Variants in COPZ1 observed in about 807,000 individuals in gnomAD.
COPZ1 encodes coat protein complex I subunit zeta 1.
In COPZ1, 4 loss-of-function variants were observed where a neutral mutation model predicts 31.7. The ratio of observed to expected loss-of-function variants is 0.13; its 90% CI spans 0.06 to 0.29. The LOEUF is 0.29. Among genes scored for constraint, COPZ1 ranks in the 10% least tolerant of loss-of-function variants. The pLI is 1.00. For missense variants in COPZ1, 156 were observed against 211.5 expected, an observed-to-expected ratio of 0.74 and a Z score of 1.63; for synonymous variants, 74 against 79.0, an observed-to-expected ratio of 0.94 and a Z score of 0.33.
At chr12:54,327,441 G>A (rs1953675861) in intron 1 of COPZ1, among the ~76,000 whole-genome samples, 1 of 151,982 alleles carries the variant, frequency 6.6e-6, no homozygotes, top group Non-Finnish European at 1.5e-5. Context: ...GGGACTACAG[G>A]CACGTGCTGC....
chr12:54,350,280 T>A (rs918890904), intron 8 of COPZ1, 196 bp from the exon 9 acceptor site: 2 of 739,062 alleles, frequency 2.7e-6, no homozygotes, highest in African/African-American at 3.4e-5. Flanking sequence ...CTCAGTGGGT[T>A]TGAATTTTTT....
intron 2 of COPZ1, among the ~76,000 whole-genome samples, chr12:54,341,980 GA>G (rs1326476272): frequency 6.6e-6 from 1 of 152,192 alleles, no homozygotes; most frequent in East Asian, 1.9e-4. Flanking sequence ...GACAGTCTTG[GA>G]AATGTGAGGT....
chr12:54,330,462 A>C (rs1388328544), intron 1 of COPZ1, among the ~76,000 whole-genome samples: 1 of 152,030 alleles, frequency 6.6e-6, no homozygotes, highest in African/African-American at 2.4e-5. Context: ...CGACGTATTT[A>C]TATATATTTT....
intron 1 of COPZ1, among the ~76,000 whole-genome samples, chr12:54,331,213 T>G (rs1953746664): frequency 7.1e-6 from 1 of 141,566 alleles, no homozygotes; most frequent in African/African-American, 2.6e-5. Flanking sequence ...AGAGTCTTGC[T>G]CTTGTTGCCC....
At chr12:54,332,796 C>A (rs1953780851) in intron 1 of COPZ1, among the ~76,000 whole-genome samples, 1 of 151,408 alleles carries the variant, frequency 6.6e-6, no homozygotes, top group South Asian at 2.1e-4. Context: ...ACCTTTATTC[C>A]CCCTGCTGGC....
chr12:54,332,452 G>C (rs1297545031), intron 1 of COPZ1, among the ~76,000 whole-genome samples: 4 of 151,850 alleles, frequency 2.6e-5, no homozygotes, highest in African/African-American at 9.7e-5. Context: ...GAAAGCTGGA[G>C]GTGGCTGGGC....
chr12:54,332,292 C>T (rs1481135852), intron 1 of COPZ1, among the ~76,000 whole-genome samples: 2 of 150,976 alleles, frequency 1.3e-5, no homozygotes, highest in Non-Finnish European at 2.9e-5. Flanking sequence ...GCTTGGGCGA[C>T]AGAGTGAGAC....
intron 1 of COPZ1, among the ~76,000 whole-genome samples, chr12:54,337,039 A>G (rs900070940): frequency 7.0e-6 from 1 of 143,750 alleles, no homozygotes; most frequent in Non-Finnish European, 1.5e-5. Flanking sequence ...AAAAAAAAAA[A>G]AAAAAGAAGC....
At chr12:54,342,429 C>T in intron 3 of COPZ1, 142 bp downstream of exon 3, 1 of 659,822 alleles carries the variant, frequency 1.5e-6, no homozygotes, top group Non-Finnish European at 2.7e-6. Flanking sequence ...ATAAACTCTT[C>T]AGAATGTAAT....
intron 4 of COPZ1, among the ~76,000 whole-genome samples, chr12:54,343,902 A>C (rs1277274794): frequency 9.9e-5 from 15 of 152,250 alleles, no homozygotes; most frequent in Non-Finnish European, 2.1e-4. Context: ...TGCTTTGTAA[A>C]GTATATTGTT....
At position 54,325,192 on chromosome 12, in the gene COPZ1, G is replaced by T. The variant is rs755545956; in HGVS notation, c.18+11G>T. The T allele has an allele frequency of 5.8e-6, 9 of 1,559,062 alleles. No homozygotes were observed. Among genetic ancestry groups the T allele is most frequent in the Non-Finnish European group, 7.8e-6 (9 of 1,151,878 alleles). Reference sequence around the variant, plus strand: ...GAGGCGCTGATTTTGGTAGGAGCTGGAGGGGCAGCAGAGATGCTGTGGTGT... The same window carrying T: ...GAGGCGCTGATTTTGGTAGGAGCTGTAGGGGCAGCAGAGATGCTGTGGTGT... On this transcript the variant is annotated intron_variant, in intron 1 of 8. Coordinates refer to ENST00000262061, the MANE Select transcript of COPZ1 (RefSeq NM_016057.3).
rs60827109 is a variant in COPZ1, at chr12:54,326,961, C to CTTTTT, written c.18+1813_18+1817dup. Among the ~76,000 whole-genome samples the CTTTTT allele has an allele frequency of 2.8e-4, 12 of 43,562 alleles. 4 individuals carry two copies. Among genetic ancestry groups the CTTTTT allele is most frequent in the Non-Finnish European group, 4.0e-4 (9 of 22,528 alleles). The allele number at this position is 43,562 out of a possible 152,430, so 28.6% of individuals were successfully genotyped here. ...CTGTACCAAGCAGTTAACAAGTATTCTTTTTTTTTTTTTTTTTTTTTTTTT... is the reference window on the plus strand; with the variant it reads ...CTGTACCAAGCAGTTAACAAGTATTCTTTTTTTTTTTTTTTTTTTTTTTTTTTTTT... On this transcript the variant is annotated intron_variant, in intron 1 of 8. Coordinates refer to ENST00000262061, the MANE Select transcript of COPZ1 (RefSeq NM_016057.3).
At chr12:54,333,403 G>A (rs1169834833) in intron 1 of COPZ1, among the ~76,000 whole-genome samples, 1 of 152,164 alleles carries the variant, frequency 6.6e-6, no homozygotes, top group East Asian at 1.9e-4. Flanking sequence ...GTCCATAGAT[G>A]TAATTGGTTT....
intron 3 of COPZ1, among the ~76,000 whole-genome samples, chr12:54,342,853 CTTTTT>C (rs11321130): frequency 1.1e-5 from 1 of 94,618 alleles, no homozygotes. Flanking sequence ...GTAACGCCTT[CTTTTT>C]TTTTTTTTTT....
intron 5 of COPZ1, among the ~76,000 whole-genome samples, chr12:54,346,328 C>T (rs1288396318): frequency 1.4e-5 from 2 of 147,146 alleles, no homozygotes; most frequent in Admixed American, 6.9e-5. Flanking sequence ...AGTGCAGTGG[C>T]GTGATCTCGG....
intron 1 of COPZ1, among the ~76,000 whole-genome samples, chr12:54,330,376 AC>A (rs1411767746): frequency 4.0e-5 from 6 of 151,858 alleles, no homozygotes; most frequent in Admixed American, 3.3e-4. Flanking sequence ...TTGAACTAAA[AC>A]CCCCAAAGAG....
chr12:54,346,700 A>T (rs1954070829), intron 5 of COPZ1: 2 of 699,772 alleles, frequency 2.9e-6, no homozygotes, highest in Non-Finnish European at 5.2e-6. Context: ...TGCAAAAAAT[A>T]AAAAAATTAG....
chr12:54,326,809 A>G (rs956310500), intron 1 of COPZ1, among the ~76,000 whole-genome samples: 4 of 151,690 alleles, frequency 2.6e-5, no homozygotes, highest in African/African-American at 9.7e-5. Flanking sequence ...ATACACATTC[A>G]GATCCTCATC....
intron 3 of COPZ1, 58 bp from the exon 4 acceptor site, chr12:54,343,164 CCTT>C (rs1482211618): frequency 2.4e-5 from 33 of 1,347,984 alleles, no homozygotes; most frequent in Non-Finnish European, 3.5e-5. Context: ...GCTGGTAACT[CCTT>C]CTTTCCTACT....
Sources: gnomAD v4.1 joint callset for allele counts (sites outside exome capture counted in the v4.1 genomes callset) on GRCh38, gnomAD v4.1.1 for gene constraint, MANE v1.5 for transcripts, NCBI Gene and HGNC (gene_info 2026-07-23, HGNC 2026-07-21) for gene names.